The following ULK4 variants were observed in gnomAD, a reference collection of about 807,000 sequenced individuals.
ULK4 encodes the protein inactive serine/threonine-protein kinase ULK4.
Under a neutral mutation model 160.6 loss-of-function variants are expected in ULK4, and 133 were observed. The ratio of observed to expected loss-of-function variants is 0.83; its 90% CI spans 0.72 to 0.96. ULK4 has a LOEUF of 0.96. Among genes scored for constraint, ULK4 ranks in the 40% least tolerant of loss-of-function variants. ULK4 has a pLI of 0.00. For synonymous variants in ULK4, 534 were observed against 539.8 expected, an observed-to-expected ratio of 0.99 and a Z score of 0.15; for missense variants, 1,580 against 1,499.5, an observed-to-expected ratio of 1.05 and a Z score of -0.89.
intron 34 of ULK4, among the ~76,000 whole-genome samples, chr3:41,413,396 G>C (rs1401600372): frequency 6.6e-6 from 1 of 152,138 alleles, no homozygotes; most frequent in Non-Finnish European, 1.5e-5. Flanking sequence ...ACCTTGGATT[G>C]GGGAAAGGTT....
chr3:41,768,659 C>G (rs1421811562), intron 21 of ULK4, among the ~76,000 whole-genome samples: 2 of 152,210 alleles, frequency 1.3e-5, no homozygotes, highest in African/African-American at 4.8e-5. Context: ...CCCACCCCAG[C>G]TAACACAACC....
intron 30 of ULK4, among the ~76,000 whole-genome samples, chr3:41,661,996 C>T (rs777852300): frequency 6.6e-6 from 1 of 152,044 alleles, no homozygotes; most frequent in African/African-American, 2.4e-5. Context: ...GCCAAAGTTA[C>T]ATTTAAAAAA....
At chr3:41,328,813 C>T (rs1220534506) in intron 35 of ULK4, among the ~76,000 whole-genome samples, 1 of 152,112 alleles carries the variant, frequency 6.6e-6, no homozygotes, top group Non-Finnish European at 1.5e-5. Flanking sequence ...GGGGTGGGCA[C>T]GTGGTGCTGA....
intron 32 of ULK4, among the ~76,000 whole-genome samples, chr3:41,493,311 C>A (rs1003448877): frequency 6.9e-6 from 1 of 145,226 alleles, no homozygotes; most frequent in Non-Finnish European, 1.5e-5. Context: ...AACTGAACAA[C>A]CTGCTCCTGA....
rs549786086 is a variant in ULK4, at chr3:41,347,396, A to C, written c.3678+50683T>G. ...ACCAGACAGGCCACAACATTCCAGC[A>C]AGTAAACAAGACAGATGTTTTGTGC... is the stretch of plus-strand genomic sequence containing the variant. On this transcript the variant is annotated intron_variant, in intron 35 of 36. Coordinates refer to ENST00000301831, the MANE Select transcript of ULK4 (RefSeq NM_017886.4). Among the ~76,000 whole-genome samples, 392 of 152,360 alleles carry C rather than the reference A, an allele frequency of 2.6e-3. 4 individuals carry two copies. The highest frequency in any genetic ancestry group is 8.7e-3 in the African/African-American group (361 of 41,588).
chr3:41,582,065 A>G (rs1210264439), intron 31 of ULK4, among the ~76,000 whole-genome samples: 2 of 152,198 alleles, frequency 1.3e-5, no homozygotes, highest in Non-Finnish European at 2.9e-5. Context: ...TGTAGTGCCC[A>G]TAATTCCCAC....
chr3:41,669,947 G>C (rs1330822174), intron 29 of ULK4, among the ~76,000 whole-genome samples: 1 of 152,186 alleles, frequency 6.6e-6, no homozygotes, highest in Non-Finnish European at 1.5e-5. Flanking sequence ...CCATAGAATG[G>C]AGCAGGAAGA....
At chr3:41,909,130 G>A (rs1315154478) in intron 11 of ULK4, among the ~76,000 whole-genome samples, 1 of 150,908 alleles carries the variant, frequency 6.6e-6, no homozygotes, top group African/African-American at 2.4e-5. Context: ...GCATGGTGGT[G>A]CATGCCTGTA....
chr3:41,310,598 C>A (rs774888986), intron 35 of ULK4, among the ~76,000 whole-genome samples: 8 of 152,016 alleles, frequency 5.3e-5, no homozygotes, highest in Non-Finnish European at 1.0e-4. Context: ...ATTGTCAGAG[C>A]AGATAAAAAC....
intron 27 of ULK4, among the ~76,000 whole-genome samples, chr3:41,691,488 G>A (rs1357846463): frequency 1.3e-5 from 2 of 151,856 alleles, no homozygotes; most frequent in East Asian, 1.9e-4. Flanking sequence ...CTATGCCCCC[G>A]AGTCAAATTC....
chr3:41,464,868 CAGTT>C (rs1488761751), intron 32 of ULK4, among the ~76,000 whole-genome samples: 2 of 152,162 alleles, frequency 1.3e-5, no homozygotes, highest in African/African-American at 2.4e-5. Context: ...TCAGAGTAAA[CAGTT>C]AGTGGGCATC....
chr3:41,719,381 T>C (rs1016796693), intron 22 of ULK4, among the ~76,000 whole-genome samples: 5 of 152,196 alleles, frequency 3.3e-5, no homozygotes, highest in African/African-American at 1.2e-4. Context: ...GTATCTAAGT[T>C]ATATGCCAAT....
At chr3:41,942,522 AAAAT>A (rs891839870) in intron 2 of ULK4, among the ~76,000 whole-genome samples, 7 of 152,004 alleles carry the variant, frequency 4.6e-5, no homozygotes, top group Non-Finnish European at 8.8e-5. Flanking sequence ...TCATCTCAAA[AAAAT>A]AAATAAATAG....
intron 22 of ULK4, among the ~76,000 whole-genome samples, chr3:41,752,415 A>C (rs1392115853): frequency 6.6e-6 from 1 of 152,138 alleles, no homozygotes; most frequent in Non-Finnish European, 1.5e-5. Flanking sequence ...CTCCCATCTA[A>C]AACAACCAAA....
intron 35 of ULK4, among the ~76,000 whole-genome samples, chr3:41,256,645 T>C (rs2078840108): frequency 6.6e-6 from 1 of 152,076 alleles, no homozygotes; most frequent in Non-Finnish European, 1.5e-5. Context: ...TAGAAGAAAA[T>C]ATGGAAGAAA....
chr3:41,488,875 T>A (rs1698024458), intron 32 of ULK4, among the ~76,000 whole-genome samples: 1 of 152,098 alleles, frequency 6.6e-6, no homozygotes, highest in South Asian at 2.1e-4. Flanking sequence ...GGGCATGATG[T>A]GAAAATCAAG....
At chr3:41,882,782 C>A (rs1207402147) in intron 17 of ULK4, among the ~76,000 whole-genome samples, 1 of 152,144 alleles carries the variant, frequency 6.6e-6, no homozygotes, top group African/African-American at 2.4e-5. Flanking sequence ...TCTCCCATCT[C>A]CTACAGCTAC....
chr3:41,812,467 G>C (rs2040846645), intron 19 of ULK4, among the ~76,000 whole-genome samples: 1 of 152,132 alleles, frequency 6.6e-6, no homozygotes, highest in Admixed American at 6.6e-5. Flanking sequence ...AAAAAAAAGA[G>C]TACAGCAGTA....
intron 17 of ULK4, among the ~76,000 whole-genome samples, chr3:41,859,824 ATTTTT>A (rs397875093): frequency 3.5e-5 from 4 of 115,906 alleles, no homozygotes; most frequent in Non-Finnish European, 5.2e-5. Flanking sequence ...TGCCTGGCTA[ATTTTT>A]TTTTTTTTTT....
Sources: gnomAD v4.1 joint callset for allele counts (sites outside exome capture counted in the v4.1 genomes callset) on GRCh38, gnomAD v4.1.1 for gene constraint, MANE v1.5 for transcripts, NCBI Gene and HGNC (gene_info 2026-07-23, HGNC 2026-07-21) for gene names.